Variants in TMC1 observed in about 807,000 individuals in gnomAD.
TMC1 encodes the protein transmembrane channel like 1, also known as transmembrane channel-like protein 1.
A neutral mutation model predicts 105.8 loss-of-function variants in TMC1; 84 were observed. That is an observed-to-expected ratio of 0.79 (90% CI 0.67 to 0.95). TMC1 has a LOEUF of 0.95. TMC1 is among the 40% of genes least tolerant of loss of function. TMC1 has a pLI of 0.00. For synonymous variants in TMC1, 315 were observed against 311.5 expected (o/e 1.01, Z -0.12); for missense variants, 817 against 914.1 (o/e 0.89, Z 1.37).
chr9:72,702,294 C>A (rs73474999), intron 8 of TMC1, among the ~76,000 whole-genome samples: 2 of 152,078 alleles, frequency 1.3e-5, no homozygotes, highest in African/African-American at 4.8e-5. Context: ...AGAAATACCC[C>A]CCTGGTCTTT....
chr9:72,562,695 A>T (rs572415373), intron 1 of TMC1, among the ~76,000 whole-genome samples: 22 of 143,578 alleles, frequency 1.5e-4, no homozygotes, highest in Non-Finnish European at 2.2e-4. Flanking sequence ...AATTTTTTTT[A>T]AAAATTTAGA....
chr9:72,791,756 C>T (rs573615932), intron 15 of TMC1, 130 bp from the exon 16 acceptor site: 4 of 783,414 alleles, frequency 5.1e-6, no homozygotes, highest in African/African-American at 3.4e-5. Context: ...TCTAAACGTG[C>T]ATAAAATAGT....
intron 12 of TMC1, among the ~76,000 whole-genome samples, chr9:72,759,154 C>T (rs1029637742): frequency 1.3e-5 from 2 of 151,950 alleles, no homozygotes; most frequent in Non-Finnish European, 2.9e-5. Context: ...GGAGGAAGGG[C>T]GCTGCATGGC....
intron 3 of TMC1, among the ~76,000 whole-genome samples, chr9:72,617,910 T>G (rs896933458): frequency 1.2e-3 from 24 of 20,680 alleles, no homozygotes; most frequent in South Asian, 2.0e-3. Context: ...CTATGTGTGG[T>G]GTGTGTGTGT....
At chr9:72,523,751 T>C (rs150607943) in intron 1 of TMC1, among the ~76,000 whole-genome samples, 1 of 152,034 alleles carries the variant, frequency 6.6e-6, no homozygotes, top group Non-Finnish European at 1.5e-5. Flanking sequence ...TTGAAAGAAA[T>C]CTTCATATGA....
At chr9:72,806,404 G>GGACGGGGCGGCTGGCGGGGCTGACC (rs1564567689) in intron 18 of TMC1, among the ~76,000 whole-genome samples, 1 of 123,252 alleles carries the variant, frequency 8.1e-6, no homozygotes, top group Non-Finnish European at 1.8e-5. Flanking sequence ...GGGGGCTGAC[G>GGACGGGGCGGCTGGCGGGGCTGACC]CCCCCACCTC....
intron 2 of TMC1, among the ~76,000 whole-genome samples, chr9:72,603,855 T>G (rs1383540097): frequency 2.8e-5 from 4 of 140,650 alleles, no homozygotes; most frequent in African/African-American, 8.1e-5. Context: ...GCTGTTTTTT[T>G]TTTTTTTTTT....
At chr9:72,558,381 G>T (rs920474348) in intron 1 of TMC1, among the ~76,000 whole-genome samples, 7 of 152,148 alleles carry the variant, frequency 4.6e-5, no homozygotes, top group African/African-American at 1.4e-4. Flanking sequence ...ATAGAGTAAT[G>T]AGTTTGTTAA....
intron 10 of TMC1, among the ~76,000 whole-genome samples, chr9:72,744,595 T>C (rs936359454): frequency 2.0e-5 from 3 of 152,222 alleles, no homozygotes; most frequent in Non-Finnish European, 4.4e-5. Flanking sequence ...TGCTGCAGAT[T>C]AGCTGTTTGA....
intron 1 of TMC1, among the ~76,000 whole-genome samples, chr9:72,528,798 C>T (rs149734300): frequency 9.9e-5 from 15 of 152,188 alleles, no homozygotes; most frequent in Non-Finnish European, 1.9e-4. Context: ...GGTGGTTGGG[C>T]TTGCAGACTG....
chr9:72,610,441 G>T (rs1012907079), intron 2 of TMC1, among the ~76,000 whole-genome samples: 23 of 152,150 alleles, frequency 1.5e-4, no homozygotes, highest in African/African-American at 5.5e-4. Context: ...CAATGATGTA[G>T]TTCTAGTGTG....
chr9:72,586,351 C>T (rs1253884336), intron 2 of TMC1, among the ~76,000 whole-genome samples: 1 of 152,174 alleles, frequency 6.6e-6, no homozygotes, highest in South Asian at 2.1e-4. Context: ...AGCTTTCTGT[C>T]TCTTCCACAA....
At chr9:72,666,655 G>A (rs1341370509) in intron 5 of TMC1, among the ~76,000 whole-genome samples, 2 of 152,058 alleles carry the variant, frequency 1.3e-5, no homozygotes, top group South Asian at 2.1e-4. Flanking sequence ...GCCAAGCATG[G>A]GCAATAAAGA....
In TMC1 at chr9:72,830,217, C is replaced by A. The variant is rs36032914; in HGVS notation, c.2130-234C>A. On this transcript the variant is annotated intron_variant, in intron 21 of 23. Transcript: ENST00000297784. ...GACAGAACAGGCTGTGGATCAGGAG[C>A]CTTGGGCCCCAACTTTCCAACTTCA... is the stretch of plus-strand genomic sequence containing the variant. Among the ~76,000 whole-genome samples the A allele has an allele frequency of 0.04, 6,026 of 152,210 alleles. 151 individuals are homozygous for A. The highest frequency in any genetic ancestry group is 0.045 in the Admixed American group (695 of 15,290).
intron 1 of TMC1, among the ~76,000 whole-genome samples, chr9:72,544,195 C>T (rs914977560): frequency 4.6e-5 from 7 of 151,990 alleles, no homozygotes; most frequent in South Asian, 4.1e-4. Flanking sequence ...GTGATCCACC[C>T]GCCTCGGCCT....
chr9:72,778,284 G>A (rs1828036108), intron 13 of TMC1, among the ~76,000 whole-genome samples: 1 of 152,200 alleles, frequency 6.6e-6, no homozygotes, highest in South Asian at 2.1e-4. Flanking sequence ...ACTCCAAGTA[G>A]ATCTTCAGAA....
chr9:72,625,232 C>T (rs575146066), intron 3 of TMC1, among the ~76,000 whole-genome samples: 3 of 152,216 alleles, frequency 2.0e-5, no homozygotes, highest in Middle Eastern at 3.4e-3. Flanking sequence ...CCACCAAAGC[C>T]CCCCAGGAAC....
intron 1 of TMC1, among the ~76,000 whole-genome samples, chr9:72,535,100 T>C (rs1823557973): frequency 6.6e-6 from 1 of 151,982 alleles, no homozygotes; most frequent in Admixed American, 6.6e-5. Context: ...ATGAATCATG[T>C]AGGATGCTGC....
chr9:72,585,685 T>A (rs1270831454), intron 2 of TMC1, among the ~76,000 whole-genome samples: 1 of 152,154 alleles, frequency 6.6e-6, no homozygotes, highest in Admixed American at 6.5e-5. Flanking sequence ...TACGGAGACT[T>A]CTCCTGGGAG....
Sources: gnomAD v4.1 joint callset for allele counts (sites outside exome capture counted in the v4.1 genomes callset) on GRCh38, gnomAD v4.1.1 for gene constraint, MANE v1.5 for transcripts, NCBI Gene and HGNC (gene_info 2026-07-23, HGNC 2026-07-21) for gene names.